The following NRXN1 variants were observed in gnomAD, a reference collection of about 807,000 sequenced individuals.
NRXN1 encodes neurexin-1.
Under a neutral mutation model 150.9 loss-of-function variants are expected in NRXN1, and 39 were observed. That is an observed-to-expected ratio of 0.26 (90% CI 0.20 to 0.34). The LOEUF is 0.34. Ranked by LOEUF, NRXN1 falls within the 10% of genes least tolerant of loss-of-function variation. The pLI, the probability that NRXN1 is intolerant of heterozygous loss-of-function variation, is 1.00. For missense variants in NRXN1, 1,815 were observed against 1,949.9 expected (o/e 0.93, Z 1.30); for synonymous variants, 924 against 757.0 (o/e 1.22, Z -3.62).
At chr2:49,963,321 G>A (rs1001005540) in intron 21 of NRXN1, among the ~76,000 whole-genome samples, 3 of 152,246 alleles carry the variant, frequency 2.0e-5, no homozygotes, top group East Asian at 3.9e-4. Context: ...GACAGGAATG[G>A]GGCAGAAAAA....
chr2:50,848,110 G>A (rs1273330960), intron 5 of NRXN1, among the ~76,000 whole-genome samples: 1 of 152,136 alleles, frequency 6.6e-6, no homozygotes, highest in Non-Finnish European at 1.5e-5. Context: ...GCCCACTGGG[G>A]TTTCAGGAGC....
At chr2:50,880,380 C>A (rs1679251040) in intron 5 of NRXN1, among the ~76,000 whole-genome samples, 1 of 151,866 alleles carries the variant, frequency 6.6e-6, no homozygotes, top group Non-Finnish European at 1.5e-5. Flanking sequence ...GTTAATTAAA[C>A]CTCAGAAAAT....
At chr2:50,289,198 A>C (rs2072588180) in intron 17 of NRXN1, among the ~76,000 whole-genome samples, 1 of 152,074 alleles carries the variant, frequency 6.6e-6, no homozygotes, top group Non-Finnish European at 1.5e-5. Context: ...GGAATGTGTA[A>C]ATCTGTAGAG....
intron 5 of NRXN1, among the ~76,000 whole-genome samples, chr2:50,713,289 G>A (rs1048488047): frequency 1.3e-5 from 2 of 149,410 alleles, no homozygotes; most frequent in East Asian, 4.0e-4. Flanking sequence ...ACTCCAGCCT[G>A]AGTGACAGAG....
chr2:50,858,007 A>G (rs945225762), intron 5 of NRXN1, among the ~76,000 whole-genome samples: 3 of 152,048 alleles, frequency 2.0e-5, no homozygotes, highest in African/African-American at 7.2e-5. Flanking sequence ...TATGGGTATC[A>G]GAATTTTATT....
intron 2 of NRXN1, among the ~76,000 whole-genome samples, chr2:51,015,788 A>C (rs1310873677): frequency 6.6e-6 from 1 of 152,092 alleles, no homozygotes; most frequent in East Asian, 1.9e-4. Context: ...TGAATGTCTA[A>C]TATATTATAA....
chr2:50,320,532 C>T lies in NRXN1; in HGVS notation c.3365-83562G>A, dbSNP rs75067703. 2.5e-3 allele frequency among the ~76,000 whole-genome samples: 382 copies of T among 151,630 alleles called. 12 individuals carry two copies. The East Asian group carries it at 0.058, about 23-fold the overall frequency. ...ACGATTTGGCAATGGCATTAAGTGA[C>T]ACAGAAGTTCAAAGCACAGACAAAT... On this transcript the variant is annotated intron_variant, in intron 17 of 22. Coordinates refer to ENST00000401669, the MANE Select transcript of NRXN1 (RefSeq NM_001330078.2).
At chr2:50,192,808 C>T (rs760258833) in intron 18 of NRXN1, among the ~76,000 whole-genome samples, 1 of 152,158 alleles carries the variant, frequency 6.6e-6, no homozygotes, top group African/African-American at 2.4e-5. Context: ...CAAGGTTTCG[C>T]CATGTTGGCC....
At chr2:50,745,584 AAGC>A (rs1243362613) in intron 5 of NRXN1, among the ~76,000 whole-genome samples, 18 of 152,212 alleles carry the variant, frequency 1.2e-4, no homozygotes, top group African/African-American at 3.6e-4. Flanking sequence ...ATAAAGACAT[AAGC>A]AAGACTGGGT....
Position 50,989,628 on chromosome 2 carries a change from G to C in NRXN1, c.772+37874C>G, listed in dbSNP as rs575557786. On this transcript the variant is annotated intron_variant, in intron 2 of 22. Coordinates refer to ENST00000401669, the MANE Select transcript of NRXN1 (RefSeq NM_001330078.2). Reference sequence around the variant, plus strand: ...TTCAGCCATGTTGTTGCCTGTATTCGTATTTTGTTCTTCTTACTGTTGAAT... The same window carrying C: ...TTCAGCCATGTTGTTGCCTGTATTCCTATTTTGTTCTTCTTACTGTTGAAT... Among the ~76,000 whole-genome samples the C allele has an allele frequency of 2.0e-5, 3 of 151,984 alleles. No individual in the cohort carries two copies. In the South Asian group the frequency reaches 6.2e-4, roughly 32 times the overall value.
chr2:50,859,838 T>TTGTGTGTGTATGTG (rs1366132209), intron 5 of NRXN1, among the ~76,000 whole-genome samples: 215 of 147,676 alleles, frequency 1.5e-3, no homozygotes, highest in African/African-American at 5.2e-3. Context: ...ACAATTATGT[T>TTGTGTGTGTATGTG]TGTGTGTGTG....
chr2:50,067,739 A>G (rs1695578718), intron 19 of NRXN1, among the ~76,000 whole-genome samples: 1 of 152,240 alleles, frequency 6.6e-6, no homozygotes, highest in Non-Finnish European at 1.5e-5. Context: ...AATGAAAAGT[A>G]AGAGCAGCCC....
At chr2:50,719,023 C>T (rs1181394970) in intron 5 of NRXN1, among the ~76,000 whole-genome samples, 2 of 150,020 alleles carry the variant, frequency 1.3e-5, no homozygotes, top group African/African-American at 2.4e-5. Flanking sequence ...TTCATAAATA[C>T]ATAATATAAA....
At chr2:50,442,584 G>T (rs1354690524) in intron 17 of NRXN1, among the ~76,000 whole-genome samples, 1 of 152,118 alleles carries the variant, frequency 6.6e-6, no homozygotes, top group Non-Finnish European at 1.5e-5. Flanking sequence ...ATACCTGTGA[G>T]ATATACAACT....
intron 5 of NRXN1, among the ~76,000 whole-genome samples, chr2:50,833,845 A>T (rs1671738386): frequency 6.6e-6 from 1 of 152,224 alleles, no homozygotes; most frequent in Non-Finnish European, 1.5e-5. Context: ...ATAGAACATA[A>T]AGCAACCATT....
intron 11 of NRXN1, 105 bp downstream of exon 11, chr2:50,531,122 G>A: frequency 1.2e-6 from 1 of 813,452 alleles, no homozygotes; most frequent in Non-Finnish European, 2.0e-6. Flanking sequence ...AGACCATTAA[G>A]TGTTTTAATT....
At chr2:50,857,674 G>A (rs1675468516) in intron 5 of NRXN1, among the ~76,000 whole-genome samples, 1 of 152,008 alleles carries the variant, frequency 6.6e-6, no homozygotes, top group Non-Finnish European at 1.5e-5. Context: ...CCTAGGTCAA[G>A]GTCTATTTTC....
rs1203183463 is a variant in NRXN1 at position 50,329,653 on chromosome 2, ATATATATATATATATATATAT to A, written c.3365-92704_3365-92684del. On this transcript the variant is annotated intron_variant, in intron 17 of 22. Coordinates refer to ENST00000401669, the MANE Select transcript of NRXN1 (RefSeq NM_001330078.2). ...TATATATATATATATATATATATATATATATATATATATATATATATTTTTTTTTTTCCCCCCCGAGACGGA... is the reference window on the plus strand; with the variant it reads ...TATATATATATATATATATATATATATTTTTTTTTTCCCCCCCGAGACGGA... Among the ~76,000 whole-genome samples the A allele has an allele frequency of 3.9e-3, 54 of 13,790 alleles. 1 individual carries two copies. The highest frequency in any genetic ancestry group is 0.031 in the East Asian group (4 of 130). The allele number at this position is 13,790 out of a possible 152,430, so 9.0% of individuals were successfully genotyped here. A position where few individuals can be genotyped will look rare whatever the true frequency, so the allele number is the denominator to read the frequency against.
chr2:50,789,122 A>T (rs1424860169), intron 5 of NRXN1, among the ~76,000 whole-genome samples: 1 of 152,226 alleles, frequency 6.6e-6, no homozygotes, highest in Admixed American at 6.5e-5. Context: ...CAAGGATTTT[A>T]AGTGTAATTT....
Sources: gnomAD v4.1 joint callset for allele counts (sites outside exome capture counted in the v4.1 genomes callset) on GRCh38, gnomAD v4.1.1 for gene constraint, MANE v1.5 for transcripts, NCBI Gene and HGNC (gene_info 2026-07-23, HGNC 2026-07-21) for gene names.